Variants in BLMH observed in about 807,000 individuals in gnomAD.
BLMH encodes the protein bleomycin hydrolase.
BLMH carries 32 observed loss-of-function variants against 61.6 expected under a neutral mutation model. That is an observed-to-expected ratio of 0.52 (90% confidence interval 0.39 to 0.70). The LOEUF is 0.70. Among genes scored for constraint, BLMH ranks in the 30% least tolerant of loss-of-function variants. The pLI is 0.00. For missense variants in BLMH, 460 were observed against 555.5 expected (o/e 0.83, Z 1.73); for synonymous variants, 183 against 193.8 (o/e 0.94, Z 0.46).
intron 5 of BLMH, among the ~76,000 whole-genome samples, chr17:30,285,995 A>C (rs889397342): frequency 6.6e-6 from 1 of 152,226 alleles, no homozygotes; most frequent in African/African-American, 2.4e-5. Context: ...ACAGTGCTAA[A>C]GAGGATGTTG....
chr17:30,252,414 A>G (rs1051656182), intron 11 of BLMH, among the ~76,000 whole-genome samples: 4 of 151,390 alleles, frequency 2.6e-5, no homozygotes, highest in Non-Finnish European at 5.9e-5. Context: ...AACACTGTGG[A>G]GGCCAGGTGC....
rs574491888 is a variant in BLMH, at chr17:30,266,362, C to A, written c.1216+523G>T. On this transcript the variant is annotated intron_variant, in intron 11 of 11. Transcript: ENST00000261714. ...CTAACACGGTGAAACCCCGTCTCTACTAAAAATACAAAATCAGCTGGGAGT... is the reference window on the plus strand; with the variant it reads ...CTAACACGGTGAAACCCCGTCTCTAATAAAAATACAAAATCAGCTGGGAGT... Among the ~76,000 whole-genome samples, 6 of 151,844 alleles carry A rather than the reference C, an allele frequency of 4.0e-5. No individual in the cohort carries two copies. The South Asian group carries it at 1.2e-3, about 32-fold the overall frequency.
chr17:30,275,551 T>C (rs1430812665), intron 6 of BLMH, among the ~76,000 whole-genome samples: 1 of 151,842 alleles, frequency 6.6e-6, no homozygotes, highest in Non-Finnish European at 1.5e-5. Flanking sequence ...CTGGGCATGG[T>C]GGTATGTACC....
chr17:30,264,566 A>C (rs1354066415), intron 11 of BLMH, among the ~76,000 whole-genome samples: 1 of 152,254 alleles, frequency 6.6e-6, no homozygotes, highest in African/African-American at 2.4e-5. Context: ...TCCTGATTTT[A>C]CAAGTGTTTA....
chr17:30,270,106 G>C (rs34430866), intron 10 of BLMH, among the ~76,000 whole-genome samples: 12,801 of 152,192 alleles, frequency 0.084, 830 homozygotes, highest in African/African-American at 0.17. Flanking sequence ...TTTTAGATAG[G>C]CTAGTTAGGA....
intron 3 of BLMH, chr17:30,288,242 C>G (rs1338304852): frequency 3.6e-6 from 1 of 277,596 alleles, no homozygotes. Context: ...ATCAGAATAT[C>G]TGAAGTTTCT....
intron 6 of BLMH, among the ~76,000 whole-genome samples, chr17:30,275,647 T>C (rs568313130): frequency 2.5e-4 from 38 of 151,866 alleles, no homozygotes; most frequent in Non-Finnish European, 5.1e-4. Context: ...GATCATGCCA[T>C]TGCACTCTGG....
intron 11 of BLMH, among the ~76,000 whole-genome samples, chr17:30,264,487 T>C (rs1467763062): frequency 6.6e-6 from 1 of 152,216 alleles, no homozygotes; most frequent in African/African-American, 2.4e-5. Flanking sequence ...TAAAGTGACC[T>C]AAAATTATCT....
At chr17:30,289,345 A>G in intron 3 of BLMH, 28 bp downstream of exon 3, 2 of 1,472,730 alleles carry the variant, frequency 1.4e-6, no homozygotes, top group Admixed American at 1.9e-5. Context: ...ATCAATACAA[A>G]AAGAATCTTG....
intron 4 of BLMH, 120 bp downstream of exon 4, chr17:30,287,686 T>C (rs1018055418): frequency 1.7e-6 from 2 of 1,169,388 alleles, no homozygotes; most frequent in South Asian, 1.7e-5. Flanking sequence ...GAAATAACTA[T>C]ATATCCTTCT....
chr17:30,266,673 A>T (rs1908120040), intron 11 of BLMH, among the ~76,000 whole-genome samples: 1 of 152,228 alleles, frequency 6.6e-6, no homozygotes, highest in Non-Finnish European at 1.5e-5. Flanking sequence ...TGCAGCACAT[A>T]GCAGTCTCAG....
At chr17:30,252,165 C>T (rs1352695326) in intron 11 of BLMH, 1 of 152,108 alleles carries the variant, frequency 6.6e-6, no homozygotes, top group African/African-American at 2.4e-5. Flanking sequence ...TGAAAGGGCC[C>T]TAGGGAACCA....
At position 30,287,973 on chromosome 17, in the gene BLMH, C is replaced by T. The variant is rs200146621; in HGVS notation, c.322-26G>A. ...CTAAAGAGTAAAGAAAGTTAAATAA[C>T]ATTAAAAGAAAAAAGTGTCAATAAT... On this transcript the variant is annotated intron_variant, in intron 3 of 11. Transcript: ENST00000261714. The T allele has an allele frequency of 8.2e-6, 13 of 1,583,536 alleles. No individual in the cohort carries two copies. The East Asian group carries it at 2.5e-4, about 30-fold the overall frequency.
At chr17:30,288,770 G>A (rs1249192723) in intron 3 of BLMH, among the ~76,000 whole-genome samples, 1 of 152,132 alleles carries the variant, frequency 6.6e-6, no homozygotes, top group East Asian at 1.9e-4. Flanking sequence ...TTCGAGACCA[G>A]TCTGACCAAC....
intron 6 of BLMH, among the ~76,000 whole-genome samples, chr17:30,276,039 TA>T (rs1390757574): frequency 6.6e-6 from 1 of 152,070 alleles, no homozygotes; most frequent in Non-Finnish European, 1.5e-5. Flanking sequence ...CTTTTTTTTT[TA>T]AATCAGAGAT....
intron 11 of BLMH, among the ~76,000 whole-genome samples, chr17:30,266,213 A>G (rs973121522): frequency 2.6e-5 from 4 of 152,146 alleles, no homozygotes; most frequent in African/African-American, 9.7e-5. Context: ...CTGACTTTCT[A>G]GAGTACTGAT....
At chr17:30,282,821 A>G (rs1434999534) in intron 6 of BLMH, among the ~76,000 whole-genome samples, 1 of 152,252 alleles carries the variant, frequency 6.6e-6, no homozygotes, top group African/African-American at 2.4e-5. Flanking sequence ...CCAAAGAGTC[A>G]GGTTCAATGA....
At chr17:30,259,440 T>A (rs1351325270) in intron 11 of BLMH, among the ~76,000 whole-genome samples, 1 of 152,182 alleles carries the variant, frequency 6.6e-6, no homozygotes, top group Non-Finnish European at 1.5e-5. Context: ...CTGGGCTTCC[T>A]AGGCGCTCTC....
At chr17:30,258,373 C>T (rs1222351106) in intron 11 of BLMH, among the ~76,000 whole-genome samples, 2 of 152,058 alleles carry the variant, frequency 1.3e-5, no homozygotes, top group African/African-American at 4.8e-5. Context: ...ATTAATAAAC[C>T]ATTTGCTGAT....
Sources: allele counts gnomAD v4.1 joint callset (sites outside exome capture counted in the v4.1 genomes callset), GRCh38; gene constraint gnomAD v4.1.1; transcripts MANE v1.5; gene names NCBI Gene and HGNC (gene_info 2026-07-23, HGNC 2026-07-21).